The following GRID1 variants were observed in gnomAD, a reference collection of about 807,000 sequenced individuals.
GRID1 encodes the protein glutamate ionotropic receptor delta type subunit 1.
In GRID1, 28 loss-of-function variants were observed where a neutral mutation model predicts 98.0. The ratio of observed to expected loss-of-function variants is 0.29; its 90% confidence interval spans 0.21 to 0.39. GRID1 has a LOEUF of 0.39. Ranked by LOEUF, GRID1 falls within the 10% of genes least tolerant of loss-of-function variation. GRID1 has a pLI of 1.00. For missense variants in GRID1, 1,111 were observed against 1,340.5 expected, an observed-to-expected ratio of 0.83 and a Z score of 2.67; for synonymous variants, 553 against 538.5, an observed-to-expected ratio of 1.03 and a Z score of -0.37.
chr10:85,963,616 G>A lies in GRID1; in HGVS notation c.727-47377C>T, dbSNP rs527642648. 5.3e-5 allele frequency among the ~76,000 whole-genome samples: 8 copies of A among 152,240 alleles called. No individual in the cohort carries two copies. In the East Asian group the frequency reaches 5.8e-4, roughly 11 times the overall value. On this transcript the variant is annotated intron_variant, in intron 4 of 15. Transcript: ENST00000327946. ...GATTCCAAAGCAGCTTCCCAAATCC[G>A]TGGGGTTATTTCATGTCCATATGTA...
intron 2 of GRID1, among the ~76,000 whole-genome samples, chr10:86,321,328 G>C (rs774476908): frequency 4.6e-5 from 7 of 152,074 alleles, no homozygotes; most frequent in Non-Finnish European, 8.8e-5. Flanking sequence ...AAAATGAATA[G>C]AGATCGGGCC....
intron 8 of GRID1, among the ~76,000 whole-genome samples, chr10:85,742,031 T>C (rs1485648288): frequency 6.6e-6 from 1 of 152,200 alleles, no homozygotes; most frequent in Admixed American, 6.5e-5. Context: ...CTAAGTATTT[T>C]AATATTTTTA....
intron 2 of GRID1, among the ~76,000 whole-genome samples, chr10:86,348,461 G>C (rs757513201): frequency 9.9e-5 from 15 of 152,234 alleles, no homozygotes; most frequent in Non-Finnish European, 1.9e-4. Flanking sequence ...GCAACCAGGA[G>C]AGAGCAGACT....
At chr10:86,076,575 G>C (rs561548108) in intron 4 of GRID1, among the ~76,000 whole-genome samples, 1 of 152,304 alleles carries the variant, frequency 6.6e-6, no homozygotes, top group South Asian at 2.1e-4. Flanking sequence ...CAGTCTGTGA[G>C]GGGGGCTGTC....
chr10:86,248,563 CTTTTTTTTTTTTTT>C (rs200060771), intron 2 of GRID1, among the ~76,000 whole-genome samples: 155 of 121,850 alleles, frequency 1.3e-3, no homozygotes, highest in Middle Eastern at 4.8e-3. Context: ...CATGACAATT[CTTTTTTTTTTTTTT>C]TTTTTTTTTT....
chr10:85,801,082 T>A (rs1842572517), intron 8 of GRID1, among the ~76,000 whole-genome samples: 1 of 152,026 alleles, frequency 6.6e-6, no homozygotes, highest in South Asian at 2.1e-4. Flanking sequence ...AGTGACATAA[T>A]TAACAACAGA....
chr10:86,139,433 C>A (rs1372575518), intron 3 of GRID1, among the ~76,000 whole-genome samples: 1 of 152,200 alleles, frequency 6.6e-6, no homozygotes, highest in African/African-American at 2.4e-5. Context: ...GCTCCTAGAC[C>A]AACCATGGCC....
chr10:85,691,939 T>A (rs1324982691), intron 12 of GRID1, among the ~76,000 whole-genome samples: 1 of 152,102 alleles, frequency 6.6e-6, no homozygotes, highest in Admixed American at 6.5e-5. Flanking sequence ...GGGGTCCCAC[T>A]GCACACTGGG....
At chr10:86,303,808 C>T (rs1349869961) in intron 2 of GRID1, among the ~76,000 whole-genome samples, 9 of 152,344 alleles carry the variant, frequency 5.9e-5, no homozygotes, top group East Asian at 1.9e-4. Context: ...CAGCAGGAGA[C>T]GCCAGCAGGG....
chr10:86,242,454 G>C (rs1564716517), intron 2 of GRID1, among the ~76,000 whole-genome samples: 1 of 152,326 alleles, frequency 6.6e-6, no homozygotes, highest in East Asian at 1.9e-4. Context: ...GAAAGGACAA[G>C]GGCTCTTGAC....
chr10:86,231,394 G>A (rs918509197), intron 2 of GRID1, among the ~76,000 whole-genome samples: 9 of 152,068 alleles, frequency 5.9e-5, no homozygotes, highest in East Asian at 1.9e-4. Flanking sequence ...TCTGCACTCC[G>A]GACAGAGGCT....
intron 4 of GRID1, among the ~76,000 whole-genome samples, chr10:86,028,760 C>T (rs1382440571): frequency 6.6e-6 from 1 of 152,084 alleles, no homozygotes; most frequent in Non-Finnish European, 1.5e-5. Flanking sequence ...GGGCCATTTT[C>T]ATCTCAAATG....
chr10:85,842,019 G>T (rs781544235), intron 8 of GRID1, among the ~76,000 whole-genome samples: 1 of 152,050 alleles, frequency 6.6e-6, no homozygotes, highest in Non-Finnish European at 1.5e-5. Flanking sequence ...AAAAACACAT[G>T]CATGTGTATG....
chr10:86,014,366 A>C (rs1564650103), intron 4 of GRID1, among the ~76,000 whole-genome samples: 1 of 152,252 alleles, frequency 6.6e-6, no homozygotes, highest in Non-Finnish European at 1.5e-5. Flanking sequence ...AAACCATATT[A>C]ATGCATAGGC....
intron 2 of GRID1, among the ~76,000 whole-genome samples, chr10:86,359,855 C>A (rs1422063569): frequency 1.3e-5 from 2 of 152,178 alleles, no homozygotes; most frequent in Admixed American, 1.3e-4. Flanking sequence ...ACCTAGAAGA[C>A]AAATTTTCAC....
intron 4 of GRID1, among the ~76,000 whole-genome samples, chr10:86,052,206 G>C (rs570382788): frequency 6.6e-6 from 1 of 152,258 alleles, no homozygotes; most frequent in African/African-American, 2.4e-5. Context: ...TAGCATACCT[G>C]TATTTGCATA....
intron 2 of GRID1, among the ~76,000 whole-genome samples, chr10:86,274,005 G>A (rs1215400157): frequency 6.6e-6 from 1 of 152,090 alleles, no homozygotes; most frequent in Non-Finnish European, 1.5e-5. Context: ...TGTCCTGAAT[G>A]GTAATGCCTA....
At chr10:85,900,222 C>T (rs1203449143) in intron 5 of GRID1, among the ~76,000 whole-genome samples, 1 of 152,188 alleles carries the variant, frequency 6.6e-6, no homozygotes, top group Non-Finnish European at 1.5e-5. Flanking sequence ...GCAGCAGCCA[C>T]GTGTGAATGT....
At chr10:86,141,367 T>A (rs974376656) in intron 3 of GRID1, among the ~76,000 whole-genome samples, 1 of 152,138 alleles carries the variant, frequency 6.6e-6, no homozygotes, top group Non-Finnish European at 1.5e-5. Context: ...TCTTAACCAA[T>A]CAGAGGGAGT....
Sources: allele counts gnomAD v4.1 joint callset (sites outside exome capture counted in the v4.1 genomes callset), GRCh38; gene constraint gnomAD v4.1.1; transcripts MANE v1.5; gene names NCBI Gene and HGNC (gene_info 2026-07-23, HGNC 2026-07-21).